The following MYO1D variants were observed in gnomAD, a reference collection of about 807,000 sequenced individuals.
MYO1D encodes the protein myosin ID.
A neutral mutation model predicts 122.0 loss-of-function variants in MYO1D; 83 were observed. The observed-to-expected ratio is 0.68, with a 90% CI of 0.57 to 0.82. The LOEUF (loss-of-function observed/expected upper bound fraction) is 0.82, where lower values mean the gene tolerates loss of function less well. Among genes scored for constraint, MYO1D ranks in the 40% least tolerant of loss-of-function variants. The pLI is 0.00. For synonymous variants in MYO1D, 464 were observed against 446.9 expected, an observed-to-expected ratio of 1.04 and a Z score of -0.48; for missense variants, 1,157 against 1,269.5, an observed-to-expected ratio of 0.91 and a Z score of 1.35.
At chr17:32,605,410 C>A (rs1021022229) in intron 20 of MYO1D, among the ~76,000 whole-genome samples, 169 bp from the exon 21 acceptor site, 3 of 152,094 alleles carry the variant, frequency 2.0e-5, no homozygotes, top group Non-Finnish European at 4.4e-5. Flanking sequence ...GCCTGGACAA[C>A]ATAACGAGAC....
At chr17:32,763,045 G>GCA (rs1412996306) in intron 8 of MYO1D, among the ~76,000 whole-genome samples, 2 of 151,768 alleles carry the variant, frequency 1.3e-5, no homozygotes, top group Non-Finnish European at 2.9e-5. Flanking sequence ...AATTAGCTGG[G>GCA]CGTGGTGGCG....
At position 32,511,189 on chromosome 17, in the gene MYO1D, C is replaced by T. The variant is rs151054026; in HGVS notation, c.2865-16274G>A. Among the ~76,000 whole-genome samples the T allele has an allele frequency of 5.0e-3, 757 of 152,020 alleles. 3 individuals are homozygous for T. The highest frequency in any genetic ancestry group is 0.024 in the Middle Eastern group (7 of 294). On this transcript the variant is annotated intron_variant, in intron 21 of 21. Coordinates refer to ENST00000318217, the MANE Select transcript of MYO1D (RefSeq NM_015194.3). ...CTCTTCACGTCTCTTCCTTCTTCTA[C>T]CTCCCCTACTCTCCTTAAACTTCTC...
Position 32,730,675 on chromosome 17 carries a change from T to G in MYO1D, c.1746+7578A>C, listed in dbSNP as rs2089627671. 2.0e-5 allele frequency among the ~76,000 whole-genome samples: 3 copies of G among 152,278 alleles called. No homozygotes were observed. In the South Asian group the frequency reaches 6.2e-4, roughly 32 times the overall value. On this transcript the variant is annotated intron_variant, in intron 14 of 21. Coordinates refer to ENST00000318217, the MANE Select transcript of MYO1D (RefSeq NM_015194.3). ...CTAATCTGTCTTTTCTCTGGCTGCT[T>G]TTAAGATATTTTCTTTGTCTTTAAT...
At chr17:32,801,567 T>C (rs1174069392) in intron 1 of MYO1D, among the ~76,000 whole-genome samples, 1 of 152,192 alleles carries the variant, frequency 6.6e-6, no homozygotes, top group African/African-American at 2.4e-5. Flanking sequence ...CCCAGGTTTC[T>C]TCCTACCACA....
At chr17:32,754,846 TC>T (rs1422143595) in intron 11 of MYO1D, among the ~76,000 whole-genome samples, 9 of 149,160 alleles carry the variant, frequency 6.0e-5, no homozygotes, top group African/African-American at 2.3e-4. Context: ...AATGGAATAT[TC>T]CATGCAAATG....
At chr17:32,700,886 G>A (rs1045208302) in intron 16 of MYO1D, among the ~76,000 whole-genome samples, 1 of 149,674 alleles carries the variant, frequency 6.7e-6, no homozygotes, top group East Asian at 2.0e-4. Flanking sequence ...GGAGGTTGCA[G>A]TGAGCTGAGA....
At chr17:32,581,767 G>GTA (rs1371349987) in intron 21 of MYO1D, among the ~76,000 whole-genome samples, 1 of 142,008 alleles carries the variant, frequency 7.0e-6, no homozygotes, top group African/African-American at 2.6e-5. Flanking sequence ...GTGTGTGTGT[G>GTA]TATGTGTGTG....
rs16967554 is a variant in MYO1D, at chr17:32,697,442, T to C, written c.2121+14546A>G. ...AGCAGCATATTTTTGACCATAAATA[T>C]TCCCCATCAATAAAGCAATGAATGG... is the stretch of plus-strand genomic sequence containing the variant. On this transcript the variant is annotated intron_variant, in intron 16 of 21. Coordinates refer to ENST00000318217, the MANE Select transcript of MYO1D (RefSeq NM_015194.3). Among the ~76,000 whole-genome samples the C allele has an allele frequency of 7.4e-3, 1,129 of 152,280 alleles. 19 individuals carry two copies. The highest frequency in any genetic ancestry group is 0.026 in the African/African-American group (1,078 of 41,556).
intron 1 of MYO1D, among the ~76,000 whole-genome samples, chr17:32,861,493 A>G (rs1330586659): frequency 2.6e-5 from 4 of 152,202 alleles, no homozygotes; most frequent in African/African-American, 4.8e-5. Flanking sequence ...GCTAAATGAA[A>G]GAAAGCCCAG....
rs1446474216 is a variant in MYO1D, at chr17:32,563,303, G to A, written c.2864+41784C>T. On this transcript the variant is annotated intron_variant, in intron 21 of 21. Coordinates refer to ENST00000318217, the MANE Select transcript of MYO1D (RefSeq NM_015194.3). Reference sequence around the variant, plus strand: ...TGGCTCACAGCAACCTCCGTCTCCCGGGTTCCAGCGATTCTTTTGCCTCAG... The same window carrying A: ...TGGCTCACAGCAACCTCCGTCTCCCAGGTTCCAGCGATTCTTTTGCCTCAG... Among the ~76,000 whole-genome samples, 12 of 143,190 alleles carry A rather than the reference G, an allele frequency of 8.4e-5. No individual in the cohort carries two copies. In the South Asian group the frequency reaches 8.9e-4, roughly 11 times the overall value. The allele number at this position is 143,190 out of a possible 152,430, so 93.9% of individuals were successfully genotyped here.
intron 1 of MYO1D, among the ~76,000 whole-genome samples, chr17:32,813,108 T>A (rs577407733): frequency 6.6e-6 from 1 of 152,250 alleles, no homozygotes; most frequent in Non-Finnish European, 1.5e-5. Context: ...TGTGAAAAGA[T>A]ACTCTGGCAC....
chr17:32,866,949 T>A (rs911158538), intron 1 of MYO1D, among the ~76,000 whole-genome samples: 11 of 152,340 alleles, frequency 7.2e-5, no homozygotes, highest in Middle Eastern at 3.4e-3. Context: ...TGCCATTTTT[T>A]CTTTTTCTGA....
chr17:32,508,100 T>C (rs1909561633), intron 21 of MYO1D, among the ~76,000 whole-genome samples: 1 of 152,010 alleles, frequency 6.6e-6, no homozygotes, highest in African/African-American at 2.4e-5. Context: ...TGTCATCATG[T>C]TGGCCAGGCT....
intron 21 of MYO1D, among the ~76,000 whole-genome samples, chr17:32,552,385 A>C (rs1597892584): frequency 1.0e-5 from 1 of 96,514 alleles, no homozygotes; most frequent in Admixed American, 1.1e-4. Context: ...TGCATTGCTC[A>C]CTCTTTAACC....
At chr17:32,861,576 T>C (rs1475194993) in intron 1 of MYO1D, among the ~76,000 whole-genome samples, 1 of 152,168 alleles carries the variant, frequency 6.6e-6, no homozygotes, top group East Asian at 1.9e-4. Flanking sequence ...ATTTTGAATC[T>C]TGGGATTTTA....
At chr17:32,546,610 G>T (rs1014714721) in intron 21 of MYO1D, among the ~76,000 whole-genome samples, 1 of 152,184 alleles carries the variant, frequency 6.6e-6, no homozygotes. Context: ...AAGGATTTGT[G>T]GGGGGCATGG....
At chr17:32,814,461 A>G (rs2090597559) in intron 1 of MYO1D, among the ~76,000 whole-genome samples, 1 of 152,264 alleles carries the variant, frequency 6.6e-6, no homozygotes, top group African/African-American at 2.4e-5. Flanking sequence ...GTAAGCACAG[A>G]AACCATATAA....
chr17:32,590,409 T>C (rs1283170666), intron 21 of MYO1D, among the ~76,000 whole-genome samples: 1 of 152,214 alleles, frequency 6.6e-6, no homozygotes, highest in African/African-American at 2.4e-5. Flanking sequence ...GTTTATCCCC[T>C]GTGTTTCCAT....
At chr17:32,528,337 G>A (rs1910408564) in intron 21 of MYO1D, among the ~76,000 whole-genome samples, 1 of 152,198 alleles carries the variant, frequency 6.6e-6, no homozygotes, top group Non-Finnish European at 1.5e-5. Flanking sequence ...GTGGGAGAGG[G>A]TGAGATGGGT....
Sources: gnomAD v4.1 joint callset for allele counts (sites outside exome capture counted in the v4.1 genomes callset) on GRCh38, gnomAD v4.1.1 for gene constraint, MANE v1.5 for transcripts, NCBI Gene and HGNC (gene_info 2026-07-23, HGNC 2026-07-21) for gene names.